The following CRACR2A variants were observed in gnomAD, a reference collection of about 807,000 sequenced individuals.
The protein encoded by CRACR2A is calcium release activated channel regulator 2A.
In CRACR2A, 79 loss-of-function variants were observed where a neutral mutation model predicts 90.5. The ratio of observed to expected loss-of-function variants is 0.87; its 90% CI spans 0.73 to 1.05. The LOEUF (loss-of-function observed/expected upper bound fraction) is 1.05. Among genes scored for constraint, CRACR2A ranks in the 50% least tolerant of loss-of-function variants. The pLI is 0.00. For synonymous variants in CRACR2A, 338 were observed against 356.7 expected (o/e 0.95, Z 0.59); for missense variants, 823 against 897.2 (o/e 0.92, Z 1.06).
chr12:3,648,129 A>G (rs548778908), intron 11 of CRACR2A: 2 of 1,023,416 alleles, frequency 2.0e-6, no homozygotes, highest in Non-Finnish European at 1.2e-6. Context: ...CTTTCCTCTA[A>G]TATCAACTTC....
chr12:3,639,978 A>C (rs1944535337), intron 13 of CRACR2A, among the ~76,000 whole-genome samples: 1 of 152,238 alleles, frequency 6.6e-6, no homozygotes, highest in South Asian at 2.1e-4. Context: ...TTGTATGTAC[A>C]CATGAGCAAC....
chr12:3,643,059 G>A (rs186821949), intron 12 of CRACR2A, among the ~76,000 whole-genome samples: 1 of 152,180 alleles, frequency 6.6e-6, no homozygotes, highest in East Asian at 1.9e-4. Flanking sequence ...GGGAAGGGAG[G>A]TGAAGGGATT....
intron 7 of CRACR2A, among the ~76,000 whole-genome samples, chr12:3,669,795 T>C (rs768305989): frequency 1.3e-5 from 2 of 152,042 alleles, no homozygotes; most frequent in Non-Finnish European, 2.9e-5. Context: ...CCTTTTCCAC[T>C]CACAGCCACC....
intron 17 of CRACR2A, among the ~76,000 whole-genome samples, chr12:3,624,186 T>C (rs927821492): frequency 3.3e-5 from 5 of 152,316 alleles, no homozygotes; most frequent in East Asian, 3.9e-4. Flanking sequence ...CCCTTTTTTC[T>C]TGTATGCTTT....
rs1056761231 is a variant in CRACR2A at position 3,715,220 on chromosome 12, A to G, written c.-117-1903T>C. On this transcript the variant is annotated intron_variant, in intron 2 of 19. Transcript: ENST00000440314. ...GCTTTAACAAATGAGTGAATATATG[A>G]TATAAATCATGGTAACTGCAGTACA... 2.6e-5 allele frequency among the ~76,000 whole-genome samples: 4 copies of G among 152,372 alleles called. No individual in the cohort carries two copies. The East Asian group carries it at 5.8e-4, about 22-fold the overall frequency.
At chr12:3,712,837 A>G (rs1483593627) in intron 3 of CRACR2A, among the ~76,000 whole-genome samples, 2 of 152,142 alleles carry the variant, frequency 1.3e-5, no homozygotes, top group African/African-American at 2.4e-5. Flanking sequence ...AGGATTGGAC[A>G]GGCTCCACAG....
chr12:3,673,455 G>A lies in CRACR2A; in HGVS notation c.662C>T (p.Ala221Val). 1.2e-5 allele frequency: 20 copies of A among 1,611,942 alleles called. No individual in the cohort carries two copies. The highest frequency in any genetic ancestry group is 1.7e-5 in the Non-Finnish European group (20 of 1,179,414). Residue 221 changes from alanine (A) to valine (V), a missense_variant, in exon 7 of 20, where the codon GCC becomes GTC. Transcript: ENST00000440314. The stretch of plus-strand genomic sequence containing the variant: ...ACACTGGGGTACCCACCTTTTTAGG[G>A]CACACTCCAGTTCATTCTTCTCCTC... ...AHEEKNELEC[A>V]LKRKIAAYDE...
intron 3 of CRACR2A, among the ~76,000 whole-genome samples, chr12:3,699,097 A>G (rs1464890118): frequency 3.9e-5 from 6 of 152,182 alleles, no homozygotes; most frequent in African/African-American, 1.2e-4. Flanking sequence ...TTCCCATTAT[A>G]CAGATGAGGA....
At chr12:3,689,953 T>A (rs1246123100) in intron 4 of CRACR2A, among the ~76,000 whole-genome samples, 1 of 152,116 alleles carries the variant, frequency 6.6e-6, no homozygotes, top group Non-Finnish European at 1.5e-5. Flanking sequence ...GTCCATAATA[T>A]TCTTTGATGG....
intron 4 of CRACR2A, among the ~76,000 whole-genome samples, chr12:3,686,939 A>G (rs1033854134): frequency 1.3e-5 from 2 of 152,102 alleles, no homozygotes; most frequent in East Asian, 1.9e-4. Context: ...TGTAGCACAC[A>G]TTGGGCTCAT....
intron 8 of CRACR2A, among the ~76,000 whole-genome samples, chr12:3,657,306 C>T (rs1453460593): frequency 6.6e-6 from 1 of 152,246 alleles, no homozygotes; most frequent in Non-Finnish European, 1.5e-5. Context: ...AGAGAAGAAA[C>T]CATTGTAACT....
intron 14 of CRACR2A, among the ~76,000 whole-genome samples, chr12:3,637,665 C>T (rs1271320060): frequency 6.6e-6 from 1 of 151,356 alleles, no homozygotes; most frequent in Admixed American, 6.6e-5. Flanking sequence ...CGTGCCCACC[C>T]TATCTAAAAA....
chr12:3,677,821 C>T (rs1189629758), intron 6 of CRACR2A, among the ~76,000 whole-genome samples: 2 of 152,344 alleles, frequency 1.3e-5, no homozygotes, highest in East Asian at 1.9e-4. Flanking sequence ...TGTAGCGCCC[C>T]CACCAGGATC....
Position 3,733,872 on chromosome 12 carries a change from GACACACACACACACACAC to G in CRACR2A, c.-386-680_-386-663del, listed in dbSNP as rs56412036. On this transcript the variant is annotated intron_variant, in intron 1 of 19. Coordinates refer to ENST00000440314, the MANE Select transcript of CRACR2A (RefSeq NM_001144958.2). The stretch of plus-strand genomic sequence containing the variant: ...AACCACAACATTCCCAAATTTTCAG[GACACACACACACACACAC>G]ACACACACACACACACACACACTTT... 1.6e-4 allele frequency among the ~76,000 whole-genome samples: 22 copies of G among 136,176 alleles called. No homozygotes were observed. In the South Asian group the frequency reaches 3.5e-3, roughly 21 times the overall value. 89.3% of individuals were successfully genotyped at this position (136,176 alleles called of 152,430 possible).
chr12:3,738,212 G>A (rs1238407856), intron 1 of CRACR2A, among the ~76,000 whole-genome samples: 1 of 152,164 alleles, frequency 6.6e-6, no homozygotes, highest in East Asian at 1.9e-4. Context: ...TACCTAGATG[G>A]ACCTTACCAC....
chr12:3,675,076 C>T (rs1216231016), intron 6 of CRACR2A, among the ~76,000 whole-genome samples: 1 of 152,186 alleles, frequency 6.6e-6, no homozygotes, highest in Non-Finnish European at 1.5e-5. Context: ...CTCTTGAGCT[C>T]TTTCCAAAAT....
intron 1 of CRACR2A, among the ~76,000 whole-genome samples, chr12:3,751,056 C>T (rs11062788): frequency 0.046 from 7,068 of 152,292 alleles, 366 homozygotes; most frequent in East Asian, 0.22. Context: ...CAGATTGCAT[C>T]TACTCCATTG....
intron 17 of CRACR2A, among the ~76,000 whole-genome samples, 199 bp from the exon 18 acceptor site, chr12:3,619,571 G>A (rs1212444433): frequency 6.8e-6 from 1 of 147,356 alleles, no homozygotes; most frequent in African/African-American, 2.6e-5. Context: ...GCTTTTGCAA[G>A]GTGCCTGAGG....
At chr12:3,648,104 T>G (rs1944723584) in intron 11 of CRACR2A, 2 of 1,003,178 alleles carry the variant, frequency 2.0e-6, no homozygotes, top group Non-Finnish European at 2.4e-6. Context: ...CTGTGTCGCC[T>G]GTGGTAAATT....
Sources: gnomAD v4.1 joint callset for allele counts (sites outside exome capture counted in the v4.1 genomes callset) on GRCh38, gnomAD v4.1.1 for gene constraint, MANE v1.5 for transcripts, NCBI Gene and HGNC (gene_info 2026-07-23, HGNC 2026-07-21) for gene names.